Variants in IPCEF1 observed in about 807,000 individuals in gnomAD.
IPCEF1 encodes interactor protein for cytohesin exchange factors 1.
Under a neutral mutation model 50.9 loss-of-function variants are expected in IPCEF1, and 31 were observed. The observed-to-expected ratio is 0.61, with a 90% CI of 0.46 to 0.82. IPCEF1 has a LOEUF of 0.82. Ranked by LOEUF, IPCEF1 falls within the 40% of genes least tolerant of loss-of-function variation. IPCEF1 has a pLI of 0.00. For synonymous variants in IPCEF1, 181 were observed against 192.0 expected (o/e 0.94, Z 0.47); for missense variants, 458 against 514.0 (o/e 0.89, Z 1.05).
chr6:154,215,041 T>G (rs1389757886), intron 7 of IPCEF1, among the ~76,000 whole-genome samples: 1 of 152,188 alleles, frequency 6.6e-6, no homozygotes, highest in African/African-American at 2.4e-5. Flanking sequence ...CTATATAATT[T>G]TCTACTTATT....
At chr6:154,179,268 T>A (rs912138607) in intron 10 of IPCEF1, among the ~76,000 whole-genome samples, 5 of 152,224 alleles carry the variant, frequency 3.3e-5, no homozygotes, top group South Asian at 2.1e-4. Context: ...ACAGCAGGCT[T>A]GTCAAACCTT....
intron 10 of IPCEF1, among the ~76,000 whole-genome samples, chr6:154,198,169 C>T (rs930570560): frequency 5.9e-5 from 9 of 152,092 alleles, no homozygotes; most frequent in African/African-American, 1.9e-4. Context: ...GAAGAGTTCA[C>T]AACATCAAAA....
At chr6:154,176,838 C>A (rs1395739704) in intron 10 of IPCEF1, among the ~76,000 whole-genome samples, 1 of 151,558 alleles carries the variant, frequency 6.6e-6, no homozygotes, top group Non-Finnish European at 1.5e-5. Flanking sequence ...CCAAGACAAT[C>A]CTGAGCAAAA....
chr6:154,355,214 A>G (rs1211208405), intron 1 of IPCEF1, among the ~76,000 whole-genome samples: 1 of 152,168 alleles, frequency 6.6e-6, no homozygotes, highest in Non-Finnish European at 1.5e-5. Flanking sequence ...CTTATCTCTT[A>G]TTGCCACAGC....
At chr6:154,334,657 G>C (rs1465797760) in intron 1 of IPCEF1, among the ~76,000 whole-genome samples, 2 of 152,180 alleles carry the variant, frequency 1.3e-5, no homozygotes, top group Admixed American at 1.3e-4. Flanking sequence ...GCTCTAGAGT[G>C]GGGAAACCTT....
At chr6:154,267,093 C>A (rs1353459751) in intron 2 of IPCEF1, among the ~76,000 whole-genome samples, 1 of 151,172 alleles carries the variant, frequency 6.6e-6, no homozygotes, top group African/African-American at 2.4e-5. Flanking sequence ...AAGAGATAAA[C>A]CACAATAAAA....
chr6:154,220,287 A>G (rs1252280341), intron 7 of IPCEF1, among the ~76,000 whole-genome samples: 6 of 152,190 alleles, frequency 3.9e-5, no homozygotes, highest in South Asian at 4.1e-4. Flanking sequence ...GACACTAAGA[A>G]TTCTGAGAAT....
At chr6:154,282,504 A>C (rs554922737) in intron 2 of IPCEF1, among the ~76,000 whole-genome samples, 1 of 152,170 alleles carries the variant, frequency 6.6e-6, no homozygotes, top group South Asian at 2.1e-4. Context: ...AACACGGTGA[A>C]ACCCTATCTC....
intron 10 of IPCEF1, among the ~76,000 whole-genome samples, chr6:154,180,081 C>A (rs1241414102): frequency 3.9e-5 from 6 of 151,994 alleles, no homozygotes; most frequent in Admixed American, 3.9e-4. Flanking sequence ...TGAGATTTGT[C>A]CATAAAGCAG....
intron 1 of IPCEF1, among the ~76,000 whole-genome samples, chr6:154,311,546 C>G (rs1279561749): frequency 2.6e-5 from 4 of 152,154 alleles, no homozygotes; most frequent in Non-Finnish European, 4.4e-5. Context: ...CCACAATTTC[C>G]TAAATATGTT....
At chr6:154,320,214 A>G (rs2128686866) in intron 1 of IPCEF1, among the ~76,000 whole-genome samples, 1 of 152,348 alleles carries the variant, frequency 6.6e-6, no homozygotes, top group South Asian at 2.1e-4. Context: ...CTAACCATGT[A>G]GTTCATAACT....
intron 10 of IPCEF1, among the ~76,000 whole-genome samples, chr6:154,191,372 G>A (rs908632469): frequency 1.3e-5 from 2 of 151,976 alleles, no homozygotes; most frequent in East Asian, 1.9e-4. Flanking sequence ...ATGACATAAC[G>A]ACATAAAGAG....
intron 1 of IPCEF1, among the ~76,000 whole-genome samples, chr6:154,329,685 A>C (rs1783612586): frequency 6.6e-6 from 1 of 152,146 alleles, no homozygotes; most frequent in Admixed American, 6.5e-5. Context: ...CAGTTTTGTT[A>C]TGAATTCCTA....
At chr6:154,275,953 G>A (rs1174529357) in intron 2 of IPCEF1, among the ~76,000 whole-genome samples, 3 of 152,156 alleles carry the variant, frequency 2.0e-5, no homozygotes, top group Non-Finnish European at 2.9e-5. Flanking sequence ...GCCGAGGCGG[G>A]TGGATCACTT....
intron 1 of IPCEF1, among the ~76,000 whole-genome samples, chr6:154,308,573 A>T (rs1782996860): frequency 6.6e-6 from 1 of 152,234 alleles, no homozygotes; most frequent in Non-Finnish European, 1.5e-5. Flanking sequence ...TTAATTTCAG[A>T]CATCCTGAGA....
intron 11 of IPCEF1, among the ~76,000 whole-genome samples, chr6:154,166,436 C>G (rs142321075): frequency 6.6e-6 from 1 of 152,220 alleles, no homozygotes; most frequent in African/African-American, 2.4e-5. Flanking sequence ...CTTCTCCCAA[C>G]GTGGAACTAC....
chr6:154,298,328 T>A (rs143417401), intron 1 of IPCEF1, among the ~76,000 whole-genome samples: 1 of 152,336 alleles, frequency 6.6e-6, no homozygotes, highest in East Asian at 1.9e-4. Flanking sequence ...AGCTTTCAGA[T>A]ACACCCCATT....
At chr6:154,246,871 C>G (rs187128277) in intron 4 of IPCEF1, 111 bp from the exon 5 acceptor site, 6 of 1,240,182 alleles carry the variant, frequency 4.8e-6, no homozygotes, top group South Asian at 4.7e-5. Flanking sequence ...GTTAACCCCC[C>G]GGGGAGCTGG....
chr6:154,313,493 A>G (rs553485555), intron 1 of IPCEF1, among the ~76,000 whole-genome samples: 1 of 152,340 alleles, frequency 6.6e-6, no homozygotes, highest in Admixed American at 6.5e-5. Flanking sequence ...AGACTACAAA[A>G]GTCTATCCTA....
Sources: gnomAD v4.1 joint callset for allele counts (sites outside exome capture counted in the v4.1 genomes callset) on GRCh38, gnomAD v4.1.1 for gene constraint, MANE v1.5 for transcripts, NCBI Gene and HGNC (gene_info 2026-07-23, HGNC 2026-07-21) for gene names.